The following CSMD1 variants were observed in gnomAD, a reference collection of about 807,000 sequenced individuals.
CSMD1 encodes the protein CUB and Sushi multiple domains 1.
CSMD1 carries 213 observed loss-of-function variants against 417.5 expected under a neutral mutation model. That is an observed-to-expected ratio of 0.51 (90% confidence interval 0.46 to 0.57). The LOEUF is 0.57. Ranked by LOEUF, CSMD1 falls within the 20% of genes least tolerant of loss-of-function variation. CSMD1 has a pLI of 0.00. For missense variants in CSMD1, 6,923 were observed against 4,529.7 expected (o/e 1.53, Z -15.17); for synonymous variants, 2,862 against 1,736.8 (o/e 1.65, Z -16.11).
chr8:4,601,943 C>G (rs979919859), intron 2 of CSMD1, among the ~76,000 whole-genome samples: 4 of 152,150 alleles, frequency 2.6e-5, no homozygotes, highest in Non-Finnish European at 2.9e-5. Context: ...AGCTTATACA[C>G]AGGTGCTGGA....
chr8:3,518,516 C>A (rs982479451), intron 10 of CSMD1, among the ~76,000 whole-genome samples: 2 of 152,034 alleles, frequency 1.3e-5, no homozygotes, highest in African/African-American at 4.8e-5. Context: ...AGAAAAATGA[C>A]TAAAATGATC....
intron 2 of CSMD1, among the ~76,000 whole-genome samples, chr8:4,539,614 T>A (rs1285343927): frequency 6.6e-6 from 1 of 152,002 alleles, no homozygotes; most frequent in African/African-American, 2.4e-5. Flanking sequence ...GAAAAAAGAG[T>A]TTGATGTACC....
At chr8:4,232,406 C>T (rs189425030) in intron 3 of CSMD1, among the ~76,000 whole-genome samples, 211 of 152,288 alleles carry the variant, frequency 1.4e-3, no homozygotes, top group Non-Finnish European at 2.2e-3. Context: ...CCCACGTTGG[C>T]CAGCTTGGTC....
rs138261994 is a variant in CSMD1, at chr8:3,850,265, G to T, written c.819-96223C>A. 2.2e-4 allele frequency among the ~76,000 whole-genome samples: 34 copies of T among 152,210 alleles called. 1 individual carries two copies. The highest frequency in any genetic ancestry group is 7.7e-4 in the African/African-American group (32 of 41,454). Reference sequence around the variant, plus strand: ...AAACCAATAGGTAAGTCCAAAGATAGAATCAATATGTGCACAGTGTTCTCT... The same window carrying T: ...AAACCAATAGGTAAGTCCAAAGATATAATCAATATGTGCACAGTGTTCTCT... On this transcript the variant is annotated intron_variant, in intron 5 of 69. Coordinates refer to ENST00000635120, the MANE Select transcript of CSMD1 (RefSeq NM_033225.6).
At chr8:4,065,536 T>C (rs1427898696) in intron 3 of CSMD1, among the ~76,000 whole-genome samples, 3 of 143,412 alleles carry the variant, frequency 2.1e-5, no homozygotes, top group Non-Finnish European at 4.5e-5. Flanking sequence ...CAAGAAACTG[T>C]ATGTTTCTTG....
chr8:3,186,364 A>C (rs1237423450), intron 36 of CSMD1, among the ~76,000 whole-genome samples: 1 of 152,204 alleles, frequency 6.6e-6, no homozygotes. Flanking sequence ...AAGGACAGTA[A>C]TGGGCTATTT....
intron 3 of CSMD1, among the ~76,000 whole-genome samples, chr8:4,097,559 C>G (rs1033056381): frequency 1.3e-5 from 2 of 152,148 alleles, no homozygotes; most frequent in Admixed American, 1.3e-4. Flanking sequence ...AGTCAGAGGA[C>G]TACTCAGTGC....
chr8:4,903,505 G>C (rs1268126794), intron 1 of CSMD1, among the ~76,000 whole-genome samples: 2 of 152,016 alleles, frequency 1.3e-5, no homozygotes, highest in African/African-American at 4.8e-5. Context: ...GAGCTATGTT[G>C]TTTAAAACTG....
intron 2 of CSMD1, among the ~76,000 whole-genome samples, chr8:4,572,440 T>C (rs946599034): frequency 5.3e-5 from 8 of 152,224 alleles, no homozygotes; most frequent in Non-Finnish European, 8.8e-5. Flanking sequence ...TGTTGAATAT[T>C]GGCCCCCACT....
At chr8:3,949,955 C>G (rs766826971) in intron 5 of CSMD1, 6 of 455,836 alleles carry the variant, frequency 1.3e-5, no homozygotes, top group South Asian at 6.2e-5. Flanking sequence ...GAGGTTCATG[C>G]CAGCAGAGCG....
At chr8:4,471,736 G>C (rs554926148) in intron 2 of CSMD1, among the ~76,000 whole-genome samples, 3 of 114,454 alleles carry the variant, frequency 2.6e-5, no homozygotes, top group Non-Finnish European at 6.5e-5. Flanking sequence ...AACACGCGGA[G>C]AAAAGAAGTT....
chr8:4,082,325 C>A (rs538830563), intron 3 of CSMD1, among the ~76,000 whole-genome samples: 1 of 152,196 alleles, frequency 6.6e-6, no homozygotes, highest in African/African-American at 2.4e-5. Flanking sequence ...TTTGATATTA[C>A]AAACTTTTTT....
chr8:3,376,371 G>C (rs548526632), intron 18 of CSMD1, among the ~76,000 whole-genome samples: 1 of 152,078 alleles, frequency 6.6e-6, no homozygotes, highest in African/African-American at 2.4e-5. Context: ...GGAAAGCATT[G>C]ATTATATCTC....
At chr8:4,806,535 C>T (rs955141699) in intron 1 of CSMD1, among the ~76,000 whole-genome samples, 6 of 152,148 alleles carry the variant, frequency 3.9e-5, no homozygotes, top group Non-Finnish European at 7.3e-5. Flanking sequence ...TTCCTGCCAC[C>T]GTGCTACTAG....
Position 3,362,407 on chromosome 8 carries a change from C to T in CSMD1, c.3116-3067G>A, listed in dbSNP as rs557672528. Among the ~76,000 whole-genome samples the T allele has an allele frequency of 5.3e-5, 8 of 152,300 alleles. No homozygotes were observed. In the South Asian group the frequency reaches 1.7e-3, roughly 32 times the overall value. ...AAACCAATGGTCAATTCTTAGGCTT[C>T]CTCTTACTAAGTAGGTTTTAATACA... On this transcript the variant is annotated intron_variant, in intron 20 of 69. Coordinates refer to ENST00000635120, the MANE Select transcript of CSMD1 (RefSeq NM_033225.6).
chr8:3,482,587 C>A (rs1259447536), intron 11 of CSMD1, among the ~76,000 whole-genome samples: 1 of 152,148 alleles, frequency 6.6e-6, no homozygotes, highest in South Asian at 2.1e-4. Flanking sequence ...CTTTAGCACC[C>A]TTAGCAAACA....
chr8:4,444,710 A>G (rs1322674727), intron 2 of CSMD1, among the ~76,000 whole-genome samples: 2 of 152,202 alleles, frequency 1.3e-5, no homozygotes, highest in South Asian at 2.1e-4. Context: ...CTCTAAGCAC[A>G]GGTGCATGAA....
At chr8:3,586,583 T>C (rs1322649342) in intron 8 of CSMD1, among the ~76,000 whole-genome samples, 1 of 152,004 alleles carries the variant, frequency 6.6e-6, no homozygotes, top group Non-Finnish European at 1.5e-5. Flanking sequence ...AGAAAATAAA[T>C]GTGAAGAAAT....
At chr8:3,676,493 C>T (rs1327854014) in intron 7 of CSMD1, among the ~76,000 whole-genome samples, 1 of 152,224 alleles carries the variant, frequency 6.6e-6, no homozygotes, top group South Asian at 2.1e-4. Flanking sequence ...TCATAAATTG[C>T]CTGAAAAATT....
Sources: gnomAD v4.1 joint callset for allele counts (sites outside exome capture counted in the v4.1 genomes callset) on GRCh38, gnomAD v4.1.1 for gene constraint, MANE v1.5 for transcripts, NCBI Gene and HGNC (gene_info 2026-07-23, HGNC 2026-07-21) for gene names.